The following LMX1A variants were observed in gnomAD, a reference collection of about 807,000 sequenced individuals.
The protein encoded by LMX1A is LIM homeobox transcription factor 1 alpha.
LMX1A carries 15 observed loss-of-function variants against 49.1 expected under a neutral mutation model. The observed-to-expected ratio is 0.31, with a 90% CI of 0.20 to 0.47. The LOEUF is 0.47. LMX1A is among the 20% of genes least tolerant of loss of function. LMX1A has a pLI of 1.00. For synonymous variants in LMX1A, 167 were observed against 185.7 expected (o/e 0.90, Z 0.82); for missense variants, 372 against 475.8 (o/e 0.78, Z 2.03).
chr1:165,299,590 T>A (rs952702480), intron 3 of LMX1A, among the ~76,000 whole-genome samples: 4 of 152,186 alleles, frequency 2.6e-5, no homozygotes, highest in African/African-American at 9.7e-5. Context: ...TGCGATCTAC[T>A]GAAATCCAGA....
intron 3 of LMX1A, among the ~76,000 whole-genome samples, chr1:165,268,454 A>T (rs1232583685): frequency 2.0e-5 from 3 of 152,238 alleles, no homozygotes; most frequent in African/African-American, 7.2e-5. Flanking sequence ...CTCAAACCAC[A>T]TGCATAACGT....
intron 3 of LMX1A, among the ~76,000 whole-genome samples, chr1:165,249,906 A>T (rs1348479839): frequency 6.6e-6 from 1 of 152,224 alleles, no homozygotes; most frequent in Non-Finnish European, 1.5e-5. Context: ...AGCCATAAAA[A>T]GGAACAAGAT....
chr1:165,222,757 G>A (rs922028215), intron 4 of LMX1A, among the ~76,000 whole-genome samples: 8 of 152,194 alleles, frequency 5.3e-5, no homozygotes, highest in Non-Finnish European at 8.8e-5. Flanking sequence ...CGTGGTTCCC[G>A]ACCAGGCCTT....
At chr1:165,222,252 A>G (rs1651879190) in intron 4 of LMX1A, among the ~76,000 whole-genome samples, 1 of 152,236 alleles carries the variant, frequency 6.6e-6, no homozygotes, top group Admixed American at 6.5e-5. Flanking sequence ...TGTAGAGCTC[A>G]TAACAAGTCG....
At chr1:165,330,004 TAAC>T (rs987569470) in intron 3 of LMX1A, among the ~76,000 whole-genome samples, 1 of 152,222 alleles carries the variant, frequency 6.6e-6, no homozygotes, top group African/African-American at 2.4e-5. Flanking sequence ...ATCCTACTGT[TAAC>T]AACAACTGAC....
intron 4 of LMX1A, among the ~76,000 whole-genome samples, chr1:165,228,755 A>G (rs1652134232): frequency 6.6e-6 from 1 of 152,222 alleles, no homozygotes; most frequent in African/African-American, 2.4e-5. Flanking sequence ...TCTAGAATTC[A>G]TTGGAAATTA....
intron 3 of LMX1A, among the ~76,000 whole-genome samples, chr1:165,272,579 C>T (rs1405323653): frequency 2.0e-5 from 3 of 152,014 alleles, no homozygotes; most frequent in East Asian, 1.9e-4. Flanking sequence ...ACCATAGTGG[C>T]GATTTGGGAG....
intron 4 of LMX1A, among the ~76,000 whole-genome samples, chr1:165,227,523 A>G (rs1226042159): frequency 7.1e-6 from 1 of 140,072 alleles, no homozygotes; most frequent in Non-Finnish European, 1.6e-5. Context: ...CCTGGGCAAC[A>G]GAGTGAGACC....
chr1:165,232,635 T>C (rs138758018), intron 4 of LMX1A, among the ~76,000 whole-genome samples: 194 of 152,228 alleles, frequency 1.3e-3, no homozygotes, highest in African/African-American at 4.1e-3. Context: ...ATAAACACAA[T>C]TGGATATAAA....
chr1:165,306,520 T>C (rs1339127090), intron 3 of LMX1A, among the ~76,000 whole-genome samples: 1 of 151,926 alleles, frequency 6.6e-6, no homozygotes, highest in African/African-American at 2.4e-5. Flanking sequence ...GACCCAAGGG[T>C]GAGAATAAGT....
At chr1:165,300,738 G>A (rs1018382307) in intron 3 of LMX1A, among the ~76,000 whole-genome samples, 14 of 152,164 alleles carry the variant, frequency 9.2e-5, no homozygotes, top group South Asian at 2.1e-4. Context: ...GTGCCAGAGC[G>A]CTCAGTTTTA....
intron 4 of LMX1A, among the ~76,000 whole-genome samples, chr1:165,244,872 A>G (rs63675460): frequency 0.25 from 36,640 of 146,242 alleles, 4,808 homozygotes; most frequent in African/African-American, 0.37. Context: ...AAAAAAAAAA[A>G]TCATCTGACT....
At chr1:165,345,638 C>T (rs1041355836) in intron 3 of LMX1A, among the ~76,000 whole-genome samples, 3 of 152,160 alleles carry the variant, frequency 2.0e-5, no homozygotes, top group Admixed American at 6.5e-5. Context: ...GAGTAATGGA[C>T]GTGAGGTTAT....
intron 3 of LMX1A, among the ~76,000 whole-genome samples, chr1:165,272,949 A>G (rs1653851148): frequency 6.6e-6 from 1 of 152,148 alleles, no homozygotes; most frequent in South Asian, 2.1e-4. Context: ...TAATAAGCAC[A>G]TCCCTGGCAG....
At chr1:165,329,615 C>G (rs1469826197) in intron 3 of LMX1A, among the ~76,000 whole-genome samples, 1 of 150,994 alleles carries the variant, frequency 6.6e-6, no homozygotes. Context: ...CATGCAACCC[C>G]CCCACCCCCG....
chr1:165,247,530 A>C (rs1293113175), intron 4 of LMX1A, among the ~76,000 whole-genome samples: 1 of 152,186 alleles, frequency 6.6e-6, no homozygotes, highest in East Asian at 1.9e-4. Context: ...CTCAAATCAA[A>C]ATAAATCCAG....
chr1:165,323,414 A>G (rs1195317780), intron 3 of LMX1A, among the ~76,000 whole-genome samples: 2 of 152,206 alleles, frequency 1.3e-5, no homozygotes, highest in African/African-American at 4.8e-5. Context: ...ATAACTTAAC[A>G]TTTGTAATCA....
intron 4 of LMX1A, among the ~76,000 whole-genome samples, chr1:165,235,557 C>T (rs75912260): frequency 0.099 from 15,008 of 152,192 alleles, 865 homozygotes; most frequent in Non-Finnish European, 0.13. Context: ...AACTCTGCGG[C>T]GCGGCGCGGG....
chr1:165,208,005 T>A, intron 7 of LMX1A, 58 bp downstream of exon 7: 1 of 1,496,994 alleles, frequency 6.7e-7, no homozygotes, highest in Non-Finnish European at 9.2e-7. Context: ...GTGGGAGGCC[T>A]CTGGTAGGAA....
Sources: allele counts gnomAD v4.1 joint callset (sites outside exome capture counted in the v4.1 genomes callset), GRCh38; gene constraint gnomAD v4.1.1; transcripts MANE v1.5; gene names NCBI Gene and HGNC (gene_info 2026-07-23, HGNC 2026-07-21).